Variants in ME1 observed in about 807,000 individuals in gnomAD.
The protein encoded by ME1 is malic enzyme 1.
Under a neutral mutation model 66.4 loss-of-function variants are expected in ME1, and 74 were observed. That is an observed-to-expected ratio of 1.11 (90% CI 0.92 to 1.35). ME1 has a LOEUF of 1.35. Ranked by LOEUF, ME1 falls within the 40% of genes most tolerant of loss-of-function variation. ME1 has a pLI of 0.00. For missense variants in ME1, 750 were observed against 694.1 expected (o/e 1.08, Z -0.90); for synonymous variants, 251 against 235.6 (o/e 1.07, Z -0.60).
chr6:83,257,065 A>T (rs1321977917), intron 6 of ME1, among the ~76,000 whole-genome samples: 5 of 152,108 alleles, frequency 3.3e-5, no homozygotes, highest in Admixed American at 3.3e-4. Flanking sequence ...TAGGGGAGGG[A>T]TAACATTAGG....
At chr6:83,347,513 T>C (rs1768711892) in intron 4 of ME1, among the ~76,000 whole-genome samples, 1 of 152,204 alleles carries the variant, frequency 6.6e-6, no homozygotes, top group Non-Finnish European at 1.5e-5. Flanking sequence ...TGTTTCTTAT[T>C]GGTAAATTGG....
chr6:83,287,071 CTG>C (rs1445801884), intron 6 of ME1, among the ~76,000 whole-genome samples: 3 of 152,144 alleles, frequency 2.0e-5, no homozygotes, highest in Non-Finnish European at 2.9e-5. Context: ...CCTTTAAAAA[CTG>C]TTTTTATGAA....
chr6:83,404,218 T>C (rs1769890919), intron 2 of ME1, among the ~76,000 whole-genome samples: 2 of 152,204 alleles, frequency 1.3e-5, no homozygotes, highest in South Asian at 4.1e-4. Context: ...TCAGATGGTA[T>C]TTCATTGCGG....
chr6:83,317,167 T>C (rs1768051966), intron 5 of ME1, among the ~76,000 whole-genome samples: 1 of 152,198 alleles, frequency 6.6e-6, no homozygotes, highest in Admixed American at 6.5e-5. Context: ...GACACAGGAC[T>C]TGCTGGTAAA....
intron 5 of ME1, among the ~76,000 whole-genome samples, chr6:83,327,614 G>A (rs762735711): frequency 2.0e-5 from 3 of 152,148 alleles, no homozygotes; most frequent in Non-Finnish European, 2.9e-5. Context: ...CTCCTGATAA[G>A]ATGTTATCAA....
chr6:83,342,966 G>A (rs1255373792), intron 5 of ME1, among the ~76,000 whole-genome samples: 3 of 152,156 alleles, frequency 2.0e-5, no homozygotes, highest in Admixed American at 6.5e-5. Context: ...TTACAGATAG[G>A]AGCCACCACC....
chr6:83,407,095 C>A (rs111500971), intron 2 of ME1, among the ~76,000 whole-genome samples: 1 of 151,964 alleles, frequency 6.6e-6, no homozygotes, highest in Non-Finnish European at 1.5e-5. Flanking sequence ...CCTCTTTTAA[C>A]CCTCACAACA....
intron 5 of ME1, among the ~76,000 whole-genome samples, chr6:83,316,482 A>C (rs1768031580): frequency 6.6e-6 from 1 of 152,204 alleles, no homozygotes; most frequent in South Asian, 2.1e-4. Context: ...TAGCAGTGAA[A>C]GACTGAGTGC....
intron 3 of ME1, among the ~76,000 whole-genome samples, chr6:83,387,981 A>G (rs1769543997): frequency 6.6e-6 from 1 of 152,108 alleles, no homozygotes; most frequent in South Asian, 2.1e-4. Flanking sequence ...TTAATTGACT[A>G]TTAGACCCTT....
At position 83,407,911 on chromosome 6, in the gene ME1, A is replaced by G; in HGVS notation, c.79-10T>C. 1 of 1,591,698 alleles carries G rather than the reference A, an allele frequency of 6.3e-7. No individual in the cohort carries two copies. Among genetic ancestry groups the G allele is most frequent in the South Asian group, 1.2e-5 (1 of 86,420 alleles). On this transcript the variant is annotated splice_polypyrimidine_tract_variant and intron_variant, in intron 1 of 13. Coordinates refer to ENST00000369705, the MANE Select transcript of ME1 (RefSeq NM_002395.6). ...GGGTAAAGGCCAAGTCCTATAGAGA[A>G]AAAACACACACACACACACAACAGT...
chr6:83,227,069 G>A (rs1790210222), intron 11 of ME1, among the ~76,000 whole-genome samples: 1 of 145,632 alleles, frequency 6.9e-6, no homozygotes, highest in Non-Finnish European at 1.5e-5. Flanking sequence ...TAACTTTTAT[G>A]TTTAAATCTT....
At chr6:83,324,473 T>C (rs1288504424) in intron 5 of ME1, among the ~76,000 whole-genome samples, 1 of 151,044 alleles carries the variant, frequency 6.6e-6, no homozygotes, top group Non-Finnish European at 1.5e-5. Flanking sequence ...AAGAATCAAA[T>C]AGAAACAATA....
At chr6:83,320,789 G>T (rs141481068) in intron 5 of ME1, among the ~76,000 whole-genome samples, 1 of 152,066 alleles carries the variant, frequency 6.6e-6, no homozygotes, top group Non-Finnish European at 1.5e-5. Flanking sequence ...CAATGTAGTC[G>T]ATTACAAAGA....
At chr6:83,303,453 T>C (rs371942762) in intron 6 of ME1, among the ~76,000 whole-genome samples, 141 of 152,316 alleles carry the variant, frequency 9.3e-4, no homozygotes, top group African/African-American at 3.2e-3. Flanking sequence ...TTGCCAATTG[T>C]CTCTTGAGCT....
intron 6 of ME1, among the ~76,000 whole-genome samples, chr6:83,311,392 C>T (rs1767929840): frequency 6.6e-6 from 1 of 152,070 alleles, no homozygotes; most frequent in Non-Finnish European, 1.5e-5. Context: ...TGGCAAGAAT[C>T]CCAGAAGATG....
At chr6:83,365,794 A>G (rs1331591730) in intron 3 of ME1, among the ~76,000 whole-genome samples, 2 of 152,144 alleles carry the variant, frequency 1.3e-5, no homozygotes, top group Non-Finnish European at 2.9e-5. Context: ...GCTTCTAGCT[A>G]TCTACCTATA....
At chr6:83,428,478 G>C (rs976443304) in intron 1 of ME1, among the ~76,000 whole-genome samples, 2 of 152,188 alleles carry the variant, frequency 1.3e-5, no homozygotes, top group Non-Finnish European at 2.9e-5. Context: ...ATGAAGTTCT[G>C]TGTTAGTGTG....
intron 3 of ME1, among the ~76,000 whole-genome samples, chr6:83,388,389 C>T (rs1208912201): frequency 6.6e-6 from 1 of 152,086 alleles, no homozygotes; most frequent in Non-Finnish European, 1.5e-5. Context: ...TCTGGCCCCC[C>T]AAATGAACTT....
chr6:83,323,856 C>T (rs1473512751), intron 5 of ME1, among the ~76,000 whole-genome samples: 3 of 152,138 alleles, frequency 2.0e-5, no homozygotes, highest in Non-Finnish European at 4.4e-5. Context: ...ATCTACAGAA[C>T]TCTCCATCCC....
Sources: allele counts gnomAD v4.1 joint callset (sites outside exome capture counted in the v4.1 genomes callset), GRCh38; gene constraint gnomAD v4.1.1; transcripts MANE v1.5; gene names NCBI Gene and HGNC (gene_info 2026-07-23, HGNC 2026-07-21).